Variants in DNAH14 observed in about 807,000 individuals in gnomAD.
DNAH14 encodes dynein axonemal heavy chain 14.
Under a neutral mutation model 520.9 loss-of-function variants are expected in DNAH14, and 478 were observed. The observed-to-expected ratio is 0.92, with a 90% CI of 0.85 to 0.99. DNAH14 has a LOEUF of 0.99. Among genes scored for constraint, DNAH14 ranks in the 50% least tolerant of loss-of-function variants. DNAH14 has a pLI of 0.00. For synonymous variants in DNAH14, 1,581 were observed against 1,757.2 expected (o/e 0.90, Z 2.51); for missense variants, 4,831 against 5,234.5 (o/e 0.92, Z 2.38).
intron 31 of DNAH14, among the ~76,000 whole-genome samples, chr1:225,147,884 G>A (rs1049126975): frequency 6.6e-6 from 1 of 152,164 alleles, no homozygotes; most frequent in Non-Finnish European, 1.5e-5. Flanking sequence ...GAGAACATGA[G>A]GTATTTGGTT....
intron 27 of DNAH14, among the ~76,000 whole-genome samples, chr1:225,130,465 T>C (rs1349406048): frequency 1.3e-5 from 2 of 151,974 alleles, no homozygotes; most frequent in Non-Finnish European, 2.9e-5. Context: ...GTGGCACATA[T>C]ACACCATGGA....
intron 15 of DNAH14, among the ~76,000 whole-genome samples, chr1:225,048,540 A>G (rs931665133): frequency 6.6e-6 from 1 of 152,202 alleles, no homozygotes; most frequent in African/African-American, 2.4e-5. Context: ...ATGTTGTTAC[A>G]TGATTCAATA....
At chr1:225,072,582 G>A (rs939932992) in intron 17 of DNAH14, among the ~76,000 whole-genome samples, 1 of 152,204 alleles carries the variant, frequency 6.6e-6, no homozygotes, top group African/African-American at 2.4e-5. Flanking sequence ...GAGAGGTATT[G>A]CAGTCATTTG....
intron 84 of DNAH14, among the ~76,000 whole-genome samples, chr1:225,394,921 C>T (rs2150892071): frequency 6.6e-6 from 1 of 151,620 alleles, no homozygotes; most frequent in Non-Finnish European, 1.5e-5. Context: ...CATATGGGTA[C>T]CCACCTGACT....
At chr1:225,049,047 A>T (rs74228680) in intron 15 of DNAH14, among the ~76,000 whole-genome samples, 1,981 of 56,292 alleles carry the variant, frequency 0.035, 116 homozygotes, top group East Asian at 0.18. Context: ...TCTCTTGCCT[A>T]TTTTTTTTTT....
At chr1:225,233,928 A>C (rs142286067) in intron 42 of DNAH14, among the ~76,000 whole-genome samples, 173 of 152,224 alleles carry the variant, frequency 1.1e-3, no homozygotes, top group African/African-American at 4.0e-3. Flanking sequence ...TTGGTTTTAC[A>C]TTTAAGTCTT....
At chr1:225,103,767 C>T (rs528314512) in intron 23 of DNAH14, among the ~76,000 whole-genome samples, 112 of 152,012 alleles carry the variant, frequency 7.4e-4, no homozygotes, top group Non-Finnish European at 1.1e-3. Flanking sequence ...ATGAAGTTGC[C>T]TATCAGCTTA....
At chr1:225,362,560 G>A (rs1312399067) in intron 75 of DNAH14, among the ~76,000 whole-genome samples, 2 of 139,974 alleles carry the variant, frequency 1.4e-5, no homozygotes, top group African/African-American at 5.5e-5. Context: ...GGGCAACTGA[G>A]GAAGACTCAG....
At chr1:225,242,600 A>G (rs1366899181) in intron 43 of DNAH14, among the ~76,000 whole-genome samples, 2 of 152,212 alleles carry the variant, frequency 1.3e-5, no homozygotes, top group Non-Finnish European at 2.9e-5. Flanking sequence ...CTTCTTCTGG[A>G]ATACCACATG....
chr1:225,233,905 G>T (rs1195533649), intron 42 of DNAH14, among the ~76,000 whole-genome samples: 2 of 152,082 alleles, frequency 1.3e-5, no homozygotes, highest in African/African-American at 4.8e-5. Flanking sequence ...TTCTTCTAGG[G>T]TTTTTATAGT....
intron 37 of DNAH14, among the ~76,000 whole-genome samples, chr1:225,187,040 C>T (rs1210306893): frequency 6.6e-6 from 1 of 151,410 alleles, no homozygotes; most frequent in Non-Finnish European, 1.5e-5. Flanking sequence ...TCTTTTTCCT[C>T]TTCATCATAG....
intron 84 of DNAH14, among the ~76,000 whole-genome samples, chr1:225,395,449 G>C (rs1002775742): frequency 6.6e-6 from 1 of 152,176 alleles, no homozygotes; most frequent in Middle Eastern, 3.4e-3. Flanking sequence ...AAAATTAGCC[G>C]GGCGTAGTGG....
chr1:225,055,357 A>C (rs1176991041), intron 17 of DNAH14, among the ~76,000 whole-genome samples: 1 of 152,084 alleles, frequency 6.6e-6, no homozygotes, highest in East Asian at 1.9e-4. Flanking sequence ...TCAGTTCTAG[A>C]CTATTACTGA....
At chr1:225,382,428 C>T (rs573644520) in intron 81 of DNAH14, among the ~76,000 whole-genome samples, 3 of 152,184 alleles carry the variant, frequency 2.0e-5, no homozygotes, top group East Asian at 1.9e-4. Context: ...AAATCCAGGC[C>T]GGGCACAGGG....
intron 41 of DNAH14, among the ~76,000 whole-genome samples, chr1:225,208,608 G>A (rs139483650): frequency 1.3e-5 from 2 of 151,990 alleles, no homozygotes; most frequent in Non-Finnish European, 2.9e-5. Flanking sequence ...TAGAGGGGAA[G>A]AAATGTTTCA....
intron 17 of DNAH14, among the ~76,000 whole-genome samples, chr1:225,063,718 A>G (rs565737004): frequency 6.6e-6 from 1 of 152,202 alleles, no homozygotes; most frequent in South Asian, 2.1e-4. Context: ...GTGGAGAGAC[A>G]AAAGTTATCT....
intron 62 of DNAH14, 100 bp downstream of exon 62, chr1:225,322,923 C>A: frequency 8.3e-7 from 1 of 1,208,268 alleles, no homozygotes; most frequent in Non-Finnish European, 1.1e-6. Flanking sequence ...GATGGAGAGA[C>A]TATTTTCTAG....
chr1:225,019,813 A>G (rs975331497), intron 10 of DNAH14, among the ~76,000 whole-genome samples: 1 of 152,220 alleles, frequency 6.6e-6, no homozygotes, highest in Non-Finnish European at 1.5e-5. Flanking sequence ...TTTGAAACTA[A>G]TAACAGACAC....
chr1:225,298,181 T>C (rs903856196), intron 55 of DNAH14, among the ~76,000 whole-genome samples: 3 of 152,032 alleles, frequency 2.0e-5, no homozygotes, highest in African/African-American at 7.2e-5. Flanking sequence ...TTTGCTTGGC[T>C]AGCCTGGGGG....
Sources: allele counts gnomAD v4.1 joint callset (sites outside exome capture counted in the v4.1 genomes callset), GRCh38; gene constraint gnomAD v4.1.1; transcripts MANE v1.5; gene names NCBI Gene and HGNC (gene_info 2026-07-23, HGNC 2026-07-21).